Variants in VRK1 observed in about 807,000 individuals in gnomAD.
The protein encoded by VRK1 is serine/threonine-protein kinase VRK1.
VRK1 carries 33 observed loss-of-function variants against 57.1 expected under a neutral mutation model. The observed-to-expected ratio is 0.58, with a 90% confidence interval of 0.44 to 0.77. VRK1 has a LOEUF of 0.77. Ranked by LOEUF, VRK1 falls within the 30% of genes least tolerant of loss-of-function variation. The probability of loss-of-function intolerance (pLI) is 0.00; values close to 1 mark genes in which losing one functional copy is unlikely to be tolerated. For synonymous variants in VRK1, 137 were observed against 147.8 expected (o/e 0.93, Z 0.53); for missense variants, 413 against 477.3 (o/e 0.87, Z 1.25).
chr14:96,814,946 G>C (rs1238518119), intron 1 of VRK1, among the ~76,000 whole-genome samples: 1 of 152,096 alleles, frequency 6.6e-6, no homozygotes, highest in Non-Finnish European at 1.5e-5. Flanking sequence ...GGTAATTAAG[G>C]ATCTTTCTAG....
chr14:96,870,527 G>A (rs755199963), intron 11 of VRK1, among the ~76,000 whole-genome samples: 25 of 152,162 alleles, frequency 1.6e-4, no homozygotes, highest in Non-Finnish European at 2.8e-4. Flanking sequence ...CTAGACCGTA[G>A]TTCATTGAAT....
intron 1 of VRK1, among the ~76,000 whole-genome samples, chr14:96,812,223 T>A (rs1363979059): frequency 6.6e-6 from 1 of 152,224 alleles, no homozygotes; most frequent in African/African-American, 2.4e-5. Flanking sequence ...TTGACTATTA[T>A]GATTAGTGCT....
chr14:96,811,549 T>C (rs1039777943), intron 1 of VRK1, among the ~76,000 whole-genome samples: 1 of 152,200 alleles, frequency 6.6e-6, no homozygotes, highest in Non-Finnish European at 1.5e-5. Flanking sequence ...TCCAAATTAC[T>C]GTATAATATG....
At chr14:96,876,005 C>G in intron 11 of VRK1, 25 bp from the exon 12 acceptor site, 2 of 1,608,502 alleles carry the variant, frequency 1.2e-6, no homozygotes, top group Non-Finnish European at 1.7e-6. Context: ...ATATCTCTCT[C>G]TCTCTCTTTA....
intron 5 of VRK1, among the ~76,000 whole-genome samples, chr14:96,849,734 G>A (rs1354515571): frequency 1.3e-5 from 2 of 152,188 alleles, no homozygotes; most frequent in African/African-American, 2.4e-5. Context: ...TCATTTGTTT[G>A]TCTATGATTT....
Position 96,847,301 on chromosome 14 carries a change from C to T in VRK1, c.331C>T (p.Pro111Ser). ...CCGTAAGCTGAAGTACCTGGGTGTT[C>T]CTAAGTATTGGGGGTCTGGTCTACA... ...RTRKLKYLGVPKYWGSGLHDK... is the reference protein window; with the variant it reads ...RTRKLKYLGVSKYWGSGLHDK... The change falls in exon 5 of 13, where the codon CCT becomes TCT. Residue 111 changes from proline (P) to serine (S), a missense_variant. Coordinates refer to ENST00000216639, the MANE Select transcript of VRK1 (RefSeq NM_003384.3). The T allele has an allele frequency of 6.2e-7, 1 of 1,613,574 alleles. No individual in the cohort carries two copies. Among genetic ancestry groups the T allele is most frequent in the South Asian group, 1.1e-5 (1 of 91,064 alleles).
intron 10 of VRK1, 25 bp from the exon 11 acceptor site, chr14:96,860,532 T>A: frequency 6.2e-7 from 1 of 1,600,200 alleles, no homozygotes. Flanking sequence ...TTGAAAGTTA[T>A]AAAATGATTG....
chr14:96,859,376 A>C (rs546466404), intron 10 of VRK1, among the ~76,000 whole-genome samples: 1 of 152,248 alleles, frequency 6.6e-6, no homozygotes, highest in South Asian at 2.1e-4. Flanking sequence ...TTATTTTCCT[A>C]TCGTACTAGC....
Position 96,881,387 on chromosome 14 carries a change from G to T in VRK1, c.*179G>T. ...AAATATTTTGTACAATTCATTAAAGGCTAATTTATGAAATTTGAAAATCTT... is the reference window on the plus strand; with the variant it reads ...AAATATTTTGTACAATTCATTAAAGTCTAATTTATGAAATTTGAAAATCTT... On this transcript the variant is annotated 3_prime_UTR_variant, in exon 13 of 13. Coordinates refer to ENST00000216639, the MANE Select transcript of VRK1 (RefSeq NM_003384.3). 1.7e-6 allele frequency: 1 copy of T among 579,402 alleles called. No homozygotes were observed. The highest frequency in any genetic ancestry group is 2.9e-6 in the Non-Finnish European group (1 of 341,518). 35.9% of individuals were successfully genotyped at this position (579,402 alleles called of 1,614,324 possible).
At chr14:96,864,921 T>A (rs12587438) in intron 11 of VRK1, among the ~76,000 whole-genome samples, 36 of 148,518 alleles carry the variant, frequency 2.4e-4, no homozygotes, top group South Asian at 8.4e-4. Flanking sequence ...TTTGCCTATT[T>A]AAAAAAAAAA....
chr14:96,874,425 C>T (rs545275762), intron 11 of VRK1, among the ~76,000 whole-genome samples: 10 of 152,108 alleles, frequency 6.6e-5, no homozygotes, highest in Non-Finnish European at 1.3e-4. Context: ...ATGTAATTAT[C>T]GAACCAATCT....
intron 5 of VRK1, among the ~76,000 whole-genome samples, chr14:96,848,718 C>A (rs1887814732): frequency 6.6e-6 from 1 of 152,066 alleles, no homozygotes; most frequent in Admixed American, 6.6e-5. Flanking sequence ...CCTTGTTTTG[C>A]CCCTTAAAAT....
At chr14:96,837,897 A>G in intron 3 of VRK1, 80 bp downstream of exon 3, 3 of 936,628 alleles carry the variant, frequency 3.2e-6, no homozygotes, top group Non-Finnish European at 3.1e-6. Context: ...TTGATTAACT[A>G]GAATTAATTA....
intron 1 of VRK1, among the ~76,000 whole-genome samples, chr14:96,826,849 A>G (rs1435611530): frequency 1.3e-5 from 2 of 152,198 alleles, no homozygotes; most frequent in East Asian, 3.8e-4. Context: ...ATTGCCTGAA[A>G]AGCAACAAGG....
Position 96,815,605 on chromosome 14 carries a change from C to T in VRK1, c.-5-17862C>T, listed in dbSNP as rs188694504. Among the ~76,000 whole-genome samples, 12 of 151,926 alleles carry T rather than the reference C, an allele frequency of 7.9e-5. No individual in the cohort carries two copies. The East Asian group carries it at 1.9e-3, about 24-fold the overall frequency. On this transcript the variant is annotated intron_variant, in intron 1 of 12. Coordinates refer to ENST00000216639, the MANE Select transcript of VRK1 (RefSeq NM_003384.3). ...GTTTTTAACAAATGAGAAAAAAAGC[C>T]GGGTGCGGTGGTTCGTGCCTGTAAT...
intron 11 of VRK1, among the ~76,000 whole-genome samples, chr14:96,866,787 T>G (rs985414852): frequency 1.3e-5 from 2 of 152,228 alleles, no homozygotes; most frequent in Non-Finnish European, 2.9e-5. Flanking sequence ...GTCATCACTT[T>G]TCAAAGGTTA....
intron 11 of VRK1, among the ~76,000 whole-genome samples, chr14:96,868,071 C>A (rs1277009243): frequency 1.3e-5 from 2 of 152,004 alleles, no homozygotes; most frequent in Non-Finnish European, 2.9e-5. Flanking sequence ...AGTTGGAATA[C>A]CTATTTTCCT....
At chr14:96,872,066 A>C (rs549600098) in intron 11 of VRK1, among the ~76,000 whole-genome samples, 1 of 152,278 alleles carries the variant, frequency 6.6e-6, no homozygotes, top group South Asian at 2.1e-4. Context: ...AGGCCTCCCA[A>C]AGTGCTGGGA....
At position 96,846,122 on chromosome 14, in the gene VRK1, A is replaced by T. The variant is rs888789261; in HGVS notation, c.244A>T (p.Thr82Ser). ...ACCCAGTGACAATGGACCTCTTTTT[A>T]CTGAATTAAAGTTCTACCAACGAGC... ...VEPSDNGPLFTELKFYQRAAK... is the reference protein window; with the variant it reads ...VEPSDNGPLFSELKFYQRAAK... The change falls in exon 4 of 13, where the codon ACT becomes TCT. Residue 82 changes from threonine (T) to serine (S), a missense_variant. By Grantham distance (58) the Thr-to-Ser change is moderately conservative. Transcript: ENST00000216639. 1 of 1,613,366 alleles carries T rather than the reference A, an allele frequency of 6.2e-7. No homozygotes were observed. The highest frequency in any genetic ancestry group is 8.5e-7 in the Non-Finnish European group (1 of 1,179,588).
Sources: allele counts gnomAD v4.1 joint callset (sites outside exome capture counted in the v4.1 genomes callset), GRCh38; gene constraint gnomAD v4.1.1; transcripts MANE v1.5; gene names NCBI Gene and HGNC (gene_info 2026-07-23, HGNC 2026-07-21).